Variants in PHLDB2 observed in about 807,000 individuals in gnomAD.
PHLDB2 encodes the protein pleckstrin homology like domain family B member 2.
In PHLDB2, 71 loss-of-function variants were observed where a neutral mutation model predicts 123.6. That is an observed-to-expected ratio of 0.57 (90% CI 0.47 to 0.70). PHLDB2 has a LOEUF of 0.70. PHLDB2 is among the 30% of genes least tolerant of loss of function. The pLI is 0.00. For synonymous variants in PHLDB2, 547 were observed against 541.6 expected (o/e 1.01, Z -0.14); for missense variants, 1,446 against 1,519.5 (o/e 0.95, Z 0.80).
intron 12 of PHLDB2, 174 bp from the exon 13 acceptor site, chr3:111,961,934 T>C: frequency 1.6e-6 from 1 of 638,258 alleles, no homozygotes; most frequent in South Asian, 1.9e-5. Flanking sequence ...TTCAAACTGT[T>C]GCTTGCACTG....
At chr3:111,952,495 G>A (rs577950474) in intron 10 of PHLDB2, 77 bp from the exon 11 acceptor site, 35 of 1,491,578 alleles carry the variant, frequency 2.3e-5, no homozygotes, top group Non-Finnish European at 3.0e-5. Context: ...TTTTGTAAGT[G>A]CATAATTCTT....
Sources: allele counts gnomAD v4.1 joint callset, GRCh38; gene constraint gnomAD v4.1.1; transcripts MANE v1.5; gene names NCBI Gene and HGNC (gene_info 2026-07-23, HGNC 2026-07-21).